Variants in MSI2 observed in about 807,000 individuals in gnomAD.
The protein encoded by MSI2 is RNA-binding protein Musashi homolog 2.
In MSI2, 17 loss-of-function variants were observed where a neutral mutation model predicts 45.6. That is an observed-to-expected ratio of 0.37 (90% confidence interval 0.26 to 0.56). The LOEUF (loss-of-function observed/expected upper bound fraction) is 0.56. Ranked by LOEUF, MSI2 falls within the 20% of genes least tolerant of loss-of-function variation. MSI2 has a pLI of 0.77. For synonymous variants in MSI2, 156 were observed against 158.2 expected (o/e 0.99, Z 0.11); for missense variants, 293 against 444.2 (o/e 0.66, Z 3.06).
chr17:57,390,889 G>A (rs1567796751), intron 5 of MSI2, among the ~76,000 whole-genome samples: 2 of 152,136 alleles, frequency 1.3e-5, no homozygotes, highest in Non-Finnish European at 2.9e-5. Flanking sequence ...TTCTAACATG[G>A]TTTCTCAGCC....
At chr17:57,399,108 A>G (rs909519134) in intron 5 of MSI2, among the ~76,000 whole-genome samples, 2 of 152,172 alleles carry the variant, frequency 1.3e-5, no homozygotes, top group African/African-American at 4.8e-5. Flanking sequence ...TACCAGGGAG[A>G]CTTAAGGAAT....
intron 11 of MSI2, among the ~76,000 whole-genome samples, chr17:57,671,881 G>A (rs1198478122): frequency 5.3e-5 from 8 of 152,192 alleles, no homozygotes; most frequent in Non-Finnish European, 7.3e-5. Context: ...CAGATGGCTC[G>A]TTCGGGGACT....
intron 6 of MSI2, among the ~76,000 whole-genome samples, chr17:57,409,215 A>G (rs2084142232): frequency 6.6e-6 from 1 of 152,228 alleles, no homozygotes; most frequent in Non-Finnish European, 1.5e-5. Context: ...ACTGCCTTTA[A>G]AACCAATCAT....
intron 5 of MSI2, chr17:57,266,242 T>C (rs1907758507): frequency 6.6e-6 from 1 of 152,216 alleles, no homozygotes; most frequent in African/African-American, 2.4e-5. Context: ...GGGAGAATTA[T>C]AGTACTCACT....
chr17:57,364,177 A>G (rs976287726), intron 5 of MSI2, among the ~76,000 whole-genome samples: 1 of 152,212 alleles, frequency 6.6e-6, no homozygotes, highest in Non-Finnish European at 1.5e-5. Context: ...GTGAGACACA[A>G]TAAAAGAACA....
intron 5 of MSI2, among the ~76,000 whole-genome samples, chr17:57,319,133 G>T (rs538109150): frequency 6.6e-6 from 1 of 152,348 alleles, no homozygotes; most frequent in African/African-American, 2.4e-5. Flanking sequence ...TTCTGACTCT[G>T]GGCGGGCTGA....
intron 7 of MSI2, among the ~76,000 whole-genome samples, chr17:57,542,478 T>C (rs1396701190): frequency 6.6e-6 from 1 of 152,214 alleles, no homozygotes; most frequent in African/African-American, 2.4e-5. Flanking sequence ...ATTAATGTCA[T>C]GTTAGATGTT....
intron 6 of MSI2, among the ~76,000 whole-genome samples, chr17:57,443,399 G>A (rs761876907): frequency 2.6e-5 from 4 of 152,308 alleles, no homozygotes; most frequent in African/African-American, 7.2e-5. Flanking sequence ...CCGGGCACAC[G>A]TGGCACCGGC....
chr17:57,669,301 G>A (rs1032839968), intron 11 of MSI2, among the ~76,000 whole-genome samples: 1 of 152,240 alleles, frequency 6.6e-6, no homozygotes, highest in Non-Finnish European at 1.5e-5. Flanking sequence ...CCAGTAAAGA[G>A]TGGCTGGCTG....
intron 6 of MSI2, among the ~76,000 whole-genome samples, chr17:57,444,964 G>C: frequency 6.6e-6 from 1 of 152,226 alleles, no homozygotes; most frequent in South Asian, 2.1e-4. Context: ...TGGCATTCAC[G>C]GGGCATAGTT....
At chr17:57,439,839 C>T (rs2084764088) in intron 6 of MSI2, among the ~76,000 whole-genome samples, 1 of 152,010 alleles carries the variant, frequency 6.6e-6, no homozygotes, top group East Asian at 1.9e-4. Context: ...TAGCGGATGG[C>T]CCGAAGTCTT....
intron 6 of MSI2, among the ~76,000 whole-genome samples, chr17:57,526,838 A>T (rs1340570864): frequency 6.6e-6 from 1 of 151,990 alleles, no homozygotes; most frequent in Non-Finnish European, 1.5e-5. Flanking sequence ...CTGACACTTT[A>T]TCTATTCAGG....
chr17:57,687,910 A>C (rs937693188), downstream of MSI2, among the ~76,000 whole-genome samples: 1 of 152,116 alleles, frequency 6.6e-6, no homozygotes, highest in African/African-American at 2.4e-5. Flanking sequence ...ACATTTCAAC[A>C]TCAGGAAATC....
At position 57,680,735 on chromosome 17, in the gene MSI2, A is replaced by G. The variant is rs1913546145; in HGVS notation, c.*1218A>G. ...AATATTTAACATATTTAAAGTTTCA[A>G]AGCACACCTGTTTGGCTTGGGTGGG... On this transcript the variant is annotated 3_prime_UTR_variant, in exon 14 of 14. Transcript: ENST00000284073. 7.1e-6 allele frequency: 1 copy of G among 141,524 alleles called. No homozygotes were observed. Among genetic ancestry groups the G allele is most frequent in the Non-Finnish European group, 1.5e-5 (1 of 65,418 alleles). 8.8% of individuals were successfully genotyped at this position (141,524 alleles called of 1,614,324 possible).
intron 5 of MSI2, among the ~76,000 whole-genome samples, chr17:57,373,117 C>T (rs1261871308): frequency 4.0e-5 from 6 of 151,536 alleles, no homozygotes; most frequent in South Asian, 4.2e-4. Context: ...ATTAGCTGGG[C>T]GTGGTGGTGT....
Position 57,569,225 on chromosome 17 carries a change from G to A in MSI2, c.455-27643G>A, listed in dbSNP as rs1567906125. ...AATCATCTATTCGCCAGATGTTCCC[G>A]GAATGGGAAATAGAGGGGCCTTGCC... On this transcript the variant is annotated intron_variant, in intron 7 of 13. Transcript: ENST00000284073. 3.9e-5 allele frequency among the ~76,000 whole-genome samples: 6 copies of A among 152,160 alleles called. No individual in the cohort carries two copies. In the South Asian group the frequency reaches 1.0e-3, roughly 26 times the overall value.
intron 1 of MSI2, 54 bp downstream of exon 1, chr17:57,256,858 C>A (rs1906772983): frequency 1.5e-6 from 2 of 1,319,134 alleles, no homozygotes; most frequent in Non-Finnish European, 2.0e-6. Flanking sequence ...CTCCTTGCAG[C>A]GGCGGGGACG....
chr17:57,576,193 G>T (rs981413118), intron 7 of MSI2, among the ~76,000 whole-genome samples: 5 of 152,168 alleles, frequency 3.3e-5, no homozygotes, highest in African/African-American at 7.2e-5. Flanking sequence ...AGGGGCTGAG[G>T]ATATGGTGGT....
At chr17:57,289,942 A>G (rs1180783583) in intron 5 of MSI2, among the ~76,000 whole-genome samples, 1 of 152,394 alleles carries the variant, frequency 6.6e-6, no homozygotes, top group East Asian at 1.9e-4. Flanking sequence ...TTTATGGAGT[A>G]GAAGCGGAGC....
Sources: gnomAD v4.1 joint callset for allele counts (sites outside exome capture counted in the v4.1 genomes callset) on GRCh38, gnomAD v4.1.1 for gene constraint, MANE v1.5 for transcripts, NCBI Gene and HGNC (gene_info 2026-07-23, HGNC 2026-07-21) for gene names.